Variants in LPP observed in about 807,000 individuals in gnomAD.
LPP encodes LIM domain containing preferred translocation partner in lipoma.
A neutral mutation model predicts 60.4 loss-of-function variants in LPP; 38 were observed. That is an observed-to-expected ratio of 0.63 (90% CI 0.49 to 0.83). The LOEUF is 0.83. Among genes scored for constraint, LPP ranks in the 40% least tolerant of loss-of-function variants. The pLI is 0.00. For missense variants in LPP, 902 were observed against 783.6 expected, an observed-to-expected ratio of 1.15 and a Z score of -1.80; for synonymous variants, 328 against 290.8, an observed-to-expected ratio of 1.13 and a Z score of -1.30.
chr3:188,192,804 A>C (rs1220789568), intron 1 of LPP, among the ~76,000 whole-genome samples: 1 of 152,172 alleles, frequency 6.6e-6, no homozygotes, highest in Non-Finnish European at 1.5e-5. Context: ...GTAAGTTGTG[A>C]CAAAAACTGG....
intron 2 of LPP, among the ~76,000 whole-genome samples, chr3:188,232,142 AG>A (rs1252802060): frequency 2.6e-5 from 4 of 152,178 alleles, no homozygotes. Flanking sequence ...AGAAGATGAC[AG>A]GTTCCCTTAG....
intron 9 of LPP, among the ~76,000 whole-genome samples, chr3:188,863,918 A>G (rs541465252): frequency 7.3e-5 from 11 of 151,090 alleles, no homozygotes; most frequent in Non-Finnish European, 1.5e-4. Context: ...TTCTGGCCAA[A>G]CATTTTCTGG....
intron 3 of LPP, among the ~76,000 whole-genome samples, chr3:188,386,535 T>C (rs1422475779): frequency 1.3e-5 from 2 of 152,182 alleles, no homozygotes; most frequent in African/African-American, 4.8e-5. Context: ...TAAACCTCTT[T>C]TGCCCAAATC....
chr3:188,296,862 C>T (rs1456310367), intron 2 of LPP, among the ~76,000 whole-genome samples: 1 of 152,198 alleles, frequency 6.6e-6, no homozygotes, highest in Non-Finnish European at 1.5e-5. Context: ...GACTGGGTTA[C>T]ACATGGCCAG....
At chr3:188,823,979 A>G (rs1187925071) in intron 9 of LPP, among the ~76,000 whole-genome samples, 6 of 152,290 alleles carry the variant, frequency 3.9e-5, no homozygotes, top group African/African-American at 1.4e-4. Context: ...AATTTTAAGG[A>G]GAAAATGGGA....
chr3:188,822,964 G>A (rs907417788), intron 9 of LPP, among the ~76,000 whole-genome samples: 13 of 151,998 alleles, frequency 8.6e-5, no homozygotes, highest in Non-Finnish European at 5.9e-5. Context: ...TATTAGGGCA[G>A]GTTTTTTTGT....
At chr3:188,757,909 T>TTTTTTTTTTTTTC (rs1372528441) in intron 8 of LPP, among the ~76,000 whole-genome samples, 1 of 147,816 alleles carries the variant, frequency 6.8e-6, no homozygotes, top group African/African-American at 2.5e-5. Flanking sequence ...TTTTTTTTTT[T>TTTTTTTTTTTTTC]CAGAATAATT....
chr3:188,205,137 G>A (rs1732808859), intron 1 of LPP, among the ~76,000 whole-genome samples: 1 of 152,004 alleles, frequency 6.6e-6, no homozygotes, highest in Admixed American at 6.6e-5. Context: ...TAGTTTATTA[G>A]CTAATTCTCA....
At chr3:188,526,115 C>T (rs754987469) in intron 6 of LPP, among the ~76,000 whole-genome samples, 3 of 152,264 alleles carry the variant, frequency 2.0e-5, no homozygotes, top group East Asian at 1.9e-4. Flanking sequence ...TTGACTCTTG[C>T]GTGACATTTG....
chr3:188,427,698 T>C (rs1373053458), intron 4 of LPP, among the ~76,000 whole-genome samples: 1 of 152,134 alleles, frequency 6.6e-6, no homozygotes, highest in Non-Finnish European at 1.5e-5. Flanking sequence ...TCCTGGGGGC[T>C]TTGTTTACAC....
intron 2 of LPP, among the ~76,000 whole-genome samples, chr3:188,261,263 C>G (rs12490317): frequency 6.6e-6 from 1 of 152,194 alleles, no homozygotes; most frequent in African/African-American, 2.4e-5. Flanking sequence ...ACCCTCCCAC[C>G]TCAGCCTTCT....
chr3:188,866,553 A>G (rs2151993912), intron 10 of LPP, among the ~76,000 whole-genome samples, 175 bp downstream of exon 10: 1 of 152,250 alleles, frequency 6.6e-6, no homozygotes, highest in African/African-American at 2.4e-5. Flanking sequence ...ATATCAGACA[A>G]TCCATGCAGT....
At chr3:188,580,243 A>T (rs544316931) in intron 6 of LPP, among the ~76,000 whole-genome samples, 8 of 140,160 alleles carry the variant, frequency 5.7e-5, no homozygotes, top group Admixed American at 2.1e-4. Flanking sequence ...TTTCTCAATT[A>T]AAAAAAAAAA....
chr3:188,539,302 G>A (rs1335350069), intron 6 of LPP, among the ~76,000 whole-genome samples: 9 of 152,146 alleles, frequency 5.9e-5, no homozygotes, highest in African/African-American at 1.9e-4. Context: ...AACAGTTATA[G>A]TACTTAAGCG....
intron 7 of LPP, among the ~76,000 whole-genome samples, chr3:188,628,403 A>G (rs780593137): frequency 3.3e-5 from 5 of 152,056 alleles, no homozygotes; most frequent in African/African-American, 4.8e-5. Context: ...ACACTCTGAA[A>G]TGACAAAGGG....
chr3:188,167,386 T>C (rs926066828), intron 1 of LPP, among the ~76,000 whole-genome samples: 2 of 152,150 alleles, frequency 1.3e-5, no homozygotes, highest in Non-Finnish European at 2.9e-5. Flanking sequence ...TAGTCCCAGC[T>C]ACTTGGGAAG....
chr3:188,497,455 C>G (rs1428159504), intron 5 of LPP, among the ~76,000 whole-genome samples: 1 of 152,048 alleles, frequency 6.6e-6, no homozygotes, highest in Non-Finnish European at 1.5e-5. Flanking sequence ...TATGTCATCC[C>G]CATATTTAGA....
chr3:188,662,365 G>A (rs1474226157), intron 7 of LPP, among the ~76,000 whole-genome samples: 2 of 152,166 alleles, frequency 1.3e-5, no homozygotes, highest in Admixed American at 1.3e-4. Flanking sequence ...GAGAGTCAGA[G>A]GTCCCATAGA....
At chr3:188,850,440 T>G (rs1353174304) in intron 9 of LPP, among the ~76,000 whole-genome samples, 3 of 152,138 alleles carry the variant, frequency 2.0e-5, no homozygotes, top group Non-Finnish European at 4.4e-5. Flanking sequence ...TGAAATATAT[T>G]AATATTTAGA....
Sources: allele counts gnomAD v4.1 joint callset (sites outside exome capture counted in the v4.1 genomes callset), GRCh38; gene constraint gnomAD v4.1.1; transcripts MANE v1.5; gene names NCBI Gene and HGNC (gene_info 2026-07-23, HGNC 2026-07-21).